LRRIQ1: variants seen among roughly 807,000 people sequenced by gnomAD.
LRRIQ1 encodes the protein leucine rich repeats and IQ motif containing 1.
In LRRIQ1, 210 loss-of-function variants were observed where a neutral mutation model predicts 211.9. That is an observed-to-expected ratio of 0.99 (90% CI 0.89 to 1.11). The LOEUF is 1.11. Among genes scored for constraint, LRRIQ1 ranks in the 50% most tolerant of loss-of-function variants. LRRIQ1 has a pLI of 0.00. For missense variants in LRRIQ1, 2,136 were observed against 1,939.5 expected (o/e 1.10, Z -1.90); for synonymous variants, 699 against 650.1 (o/e 1.08, Z -1.14).
chr12:85,117,322 A>G (rs1335301119), intron 15 of LRRIQ1, among the ~76,000 whole-genome samples: 1 of 152,176 alleles, frequency 6.6e-6, no homozygotes, highest in Non-Finnish European at 1.5e-5. Context: ...TTGCACTACC[A>G]CTGTGGATCC....
intron 23 of LRRIQ1, among the ~76,000 whole-genome samples, chr12:85,158,639 C>A (rs1213609506): frequency 6.6e-6 from 1 of 151,904 alleles, no homozygotes; most frequent in East Asian, 1.9e-4. Context: ...GACATGGTTA[C>A]TTACCTAGGG....
At chr12:85,051,574 A>C (rs182423065) in intron 6 of LRRIQ1, among the ~76,000 whole-genome samples, 1 of 152,284 alleles carries the variant, frequency 6.6e-6, no homozygotes, top group Admixed American at 6.5e-5. Flanking sequence ...AAAACCTTTC[A>C]TGATCTAATT....
chr12:85,067,833 C>A (rs1335279800), intron 10 of LRRIQ1, among the ~76,000 whole-genome samples: 1 of 151,842 alleles, frequency 6.6e-6, no homozygotes, highest in Non-Finnish European at 1.5e-5. Context: ...AAAAAGAAAA[C>A]CTTTCCTCTT....
chr12:85,232,809 A>G, intron 26 of LRRIQ1, 53 bp downstream of exon 26: 1 of 1,195,884 alleles, frequency 8.4e-7, no homozygotes, highest in Admixed American at 1.8e-5. Flanking sequence ...TAGTGCTCAA[A>G]TAAATGGCAC....
At chr12:85,196,553 C>A (rs1254518450) in intron 24 of LRRIQ1, among the ~76,000 whole-genome samples, 1 of 152,018 alleles carries the variant, frequency 6.6e-6, no homozygotes, top group Non-Finnish European at 1.5e-5. Flanking sequence ...CTTTGACAAA[C>A]CTGAGAAAAA....
intron 1 of LRRIQ1, among the ~76,000 whole-genome samples, chr12:85,250,859 ATT>A (rs1593026166): frequency 2.1e-5 from 1 of 47,364 alleles, no homozygotes; most frequent in Admixed American, 2.9e-4. Flanking sequence ...TATAATATAT[ATT>A]ATAGATTATA....
intron 13 of LRRIQ1, among the ~76,000 whole-genome samples, chr12:85,100,543 A>G (rs1886274991): frequency 1.3e-5 from 2 of 151,732 alleles, no homozygotes; most frequent in Admixed American, 6.6e-5. Flanking sequence ...ATGTTCTTAC[A>G]CCCACAGAGC....
intron 24 of LRRIQ1, among the ~76,000 whole-genome samples, chr12:85,181,481 A>T (rs906360869): frequency 2.0e-5 from 3 of 152,070 alleles, no homozygotes; most frequent in Admixed American, 6.6e-5. Context: ...TGTACCAATG[A>T]CCTTAAATTG....
intron 11 of LRRIQ1, among the ~76,000 whole-genome samples, chr12:85,086,614 C>CTTTT (rs71309514): frequency 6.8e-6 from 1 of 147,568 alleles, no homozygotes. Context: ...TATTTCTTTT[C>CTTTT]TTTTTTTTTT....
At chr12:85,248,492 G>GT (rs1202305747), downstream of LRRIQ1, among the ~76,000 whole-genome samples, 1 of 151,480 alleles carries the variant, frequency 6.6e-6, no homozygotes, top group Non-Finnish European at 1.5e-5. Flanking sequence ...TGGTTTTCAG[G>GT]TGTCTCCTTC....
At chr12:85,234,314 A>G (rs1056442657) in intron 26 of LRRIQ1, among the ~76,000 whole-genome samples, 29 of 152,198 alleles carry the variant, frequency 1.9e-4, no homozygotes, top group African/African-American at 6.5e-4. Flanking sequence ...ATTACTGATC[A>G]TAATAGGTTT....
At chr12:85,084,793 G>A (rs1015156112) in intron 11 of LRRIQ1, among the ~76,000 whole-genome samples, 2 of 151,928 alleles carry the variant, frequency 1.3e-5, no homozygotes, top group Non-Finnish European at 2.9e-5. Context: ...AGGCATGGTG[G>A]CGCATGCCTG....
chr12:85,205,107 C>T (rs923525948), intron 24 of LRRIQ1, among the ~76,000 whole-genome samples: 8 of 152,000 alleles, frequency 5.3e-5, no homozygotes, highest in Admixed American at 2.0e-4. Flanking sequence ...CAGGAGTTTC[C>T]GCTTTTGCTT....
chr12:85,201,134 G>C (rs1893270009), intron 24 of LRRIQ1, among the ~76,000 whole-genome samples: 2 of 151,876 alleles, frequency 1.3e-5, no homozygotes, highest in South Asian at 4.2e-4. Context: ...CCTGGCCGAT[G>C]GTTTAGCTTT....
chr12:85,271,778 T>C, the LRRIQ1 span, among the ~76,000 whole-genome samples: 3 of 152,164 alleles, frequency 2.0e-5, no homozygotes, highest in East Asian at 5.8e-4. Context: ...TTTTTTAACT[T>C]TAATTTGCAA....
chr12:85,268,283 T>C (rs1213052646), downstream of LRRIQ1, among the ~76,000 whole-genome samples: 3 of 151,930 alleles, frequency 2.0e-5, no homozygotes, highest in African/African-American at 7.2e-5. Flanking sequence ...GTAGAATCTT[T>C]GGAAATGTAA....
rs139050760 is a variant in LRRIQ1, at chr12:85,207,569, T to G, written c.4823-21948T>G. Among the ~76,000 whole-genome samples the G allele has an allele frequency of 5.9e-3, 898 of 152,276 alleles. 8 individuals are homozygous for G. The highest frequency in any genetic ancestry group is 8.9e-3 in the Non-Finnish European group (606 of 68,020). On this transcript the variant is annotated intron_variant, in intron 24 of 26. Transcript: ENST00000393217. The stretch of plus-strand genomic sequence containing the variant: ...ATCATTTTTTTCATGGATTGTGCCC[T>G]TGATGTTGTATCTAAAAAGTTATCA...
At chr12:85,235,737 T>G (rs1283253384) in intron 26 of LRRIQ1, among the ~76,000 whole-genome samples, 1 of 152,166 alleles carries the variant, frequency 6.6e-6, no homozygotes, top group East Asian at 1.9e-4. Flanking sequence ...GTGCAACAAC[T>G]TAGTCTAGAA....
chr12:85,225,016 G>C (rs915642428), intron 24 of LRRIQ1, among the ~76,000 whole-genome samples: 1 of 151,950 alleles, frequency 6.6e-6, no homozygotes, highest in Admixed American at 6.6e-5. Flanking sequence ...AATAGGATAT[G>C]AAGAAGACAT....
Sources: gnomAD v4.1 joint callset for allele counts (sites outside exome capture counted in the v4.1 genomes callset) on GRCh38, gnomAD v4.1.1 for gene constraint, MANE v1.5 for transcripts, NCBI Gene and HGNC (gene_info 2026-07-23, HGNC 2026-07-21) for gene names.